The following VSTM2L variants were observed in gnomAD, a reference collection of about 807,000 sequenced individuals.
VSTM2L encodes V-set and transmembrane domain containing 2 like, also known as V-set and transmembrane domain-containing protein 2-like protein.
A neutral mutation model predicts 19.9 loss-of-function variants in VSTM2L; 9 were observed. The observed-to-expected ratio is 0.45, with a 90% CI of 0.27 to 0.79. The LOEUF is 0.79. Ranked by LOEUF, VSTM2L falls within the 30% of genes least tolerant of loss-of-function variation. The probability of loss-of-function intolerance (pLI) is 0.15; values close to 1 mark genes in which losing one functional copy is unlikely to be tolerated. For synonymous variants in VSTM2L, 127 were observed against 133.8 expected (o/e 0.95, Z 0.35); for missense variants, 286 against 295.5 (o/e 0.97, Z 0.24).
chr20:37,912,081 G>T (rs1303320444), intron 1 of VSTM2L, among the ~76,000 whole-genome samples: 1 of 152,206 alleles, frequency 6.6e-6, no homozygotes, highest in Non-Finnish European at 1.5e-5. Flanking sequence ...TCCCCACCAT[G>T]CTAGGAGGCG....
chr20:37,920,009 G>A (rs908319467), intron 1 of VSTM2L, among the ~76,000 whole-genome samples: 3 of 152,180 alleles, frequency 2.0e-5, no homozygotes, highest in African/African-American at 7.2e-5. Context: ...GCAGGAGACT[G>A]GCTCCAATGG....
Position 37,933,571 on chromosome 20 carries a change from G to T in VSTM2L, c.324G>T (p.Lys108Asn). ...LKASQQEDAG[K>N]EATKISVVKV... is the part of the protein sequence containing the mutation. ...CATCTCAGCAGGAAGACGCAGGGAA[G>T]GAGGCAACCAAAATAAGTGTGAGTT... Residue 108 changes from lysine (K) to asparagine (N), a missense_variant, in exon 3 of 4, where the codon AAG (lysine) becomes AAT (asparagine). Physicochemically the swap from Lys to Asn is moderately conservative, Grantham distance 94 (BLOSUM62 0). Transcript: ENST00000373461. The T allele has an allele frequency of 1.9e-6, 3 of 1,613,330 alleles. No homozygotes were observed. Among genetic ancestry groups the T allele is most frequent in the Non-Finnish European group, 2.5e-6 (3 of 1,179,858 alleles).
At chr20:37,911,892 A>G (rs890288520) in intron 1 of VSTM2L, among the ~76,000 whole-genome samples, 10 of 150,982 alleles carry the variant, frequency 6.6e-5, no homozygotes, top group Admixed American at 4.6e-4. Context: ...ATGTGCGTGT[A>G]TGTGTGTGTG....
At chr20:37,942,756 G>C (rs76248267) in intron 3 of VSTM2L, among the ~76,000 whole-genome samples, 4,798 of 152,280 alleles carry the variant, frequency 0.032, 242 homozygotes, top group African/African-American at 0.11. Context: ...TCCTCAGGCT[G>C]TGTGCACTTT....
intron 1 of VSTM2L, among the ~76,000 whole-genome samples, chr20:37,915,841 A>G (rs1159111853): frequency 2.0e-5 from 3 of 151,996 alleles, no homozygotes; most frequent in Admixed American, 6.5e-5. Context: ...GCACCCTCAG[A>G]GCCTCTGTTC....
rs972883506 is a variant in VSTM2L at position 37,903,158 on chromosome 20, C to A, written c.-193C>A. The A allele has an allele frequency of 8.0e-5, 57 of 708,558 alleles. No homozygotes were observed. The highest frequency in any genetic ancestry group is 2.4e-4 in the African/African-American group (13 of 53,250). 43.9% of individuals were successfully genotyped at this position (708,558 alleles called of 1,614,324 possible). ...GGAGGCGGCCGGCTGGGCGTGCGCT[C>A]GCTCCCCGAAGCCGGGGCTGGGCCG... On this transcript the variant is annotated 5_prime_UTR_variant, in exon 1 of 4. Transcript: ENST00000373461.
At chr20:37,942,441 C>T (rs1013104063) in intron 3 of VSTM2L, among the ~76,000 whole-genome samples, 16 of 152,236 alleles carry the variant, frequency 1.1e-4, no homozygotes, top group Non-Finnish European at 4.4e-5. Context: ...AAGATCGTGC[C>T]ACTGCACTCC....
At chr20:37,930,883 C>T (rs2072904647) in intron 1 of VSTM2L, among the ~76,000 whole-genome samples, 1 of 152,196 alleles carries the variant, frequency 6.6e-6, no homozygotes. Context: ...TGTCCCTGTC[C>T]TCCTGGAGCT....
intron 1 of VSTM2L, among the ~76,000 whole-genome samples, chr20:37,914,346 CAT>C (rs1568835176): frequency 0.014 from 21 of 1,476 alleles, no homozygotes; most frequent in Middle Eastern, 0.25. Context: ...TGTATGTGTG[CAT>C]GTGTGTGGGG....
chr20:37,911,424 A>G (rs2072778966), intron 1 of VSTM2L, among the ~76,000 whole-genome samples: 1 of 152,102 alleles, frequency 6.6e-6, no homozygotes, highest in Non-Finnish European at 1.5e-5. Context: ...TTCCCAAAGG[A>G]GCAAAGACTG....
chr20:37,929,971 G>A (rs780875204), intron 1 of VSTM2L, among the ~76,000 whole-genome samples: 1 of 152,150 alleles, frequency 6.6e-6, no homozygotes, highest in Non-Finnish European at 1.5e-5. Flanking sequence ...ATGTGTGATG[G>A]CGCCCCACAC....
intron 1 of VSTM2L, among the ~76,000 whole-genome samples, chr20:37,919,760 T>C (rs2072840237): frequency 6.6e-6 from 1 of 152,200 alleles, no homozygotes; most frequent in Non-Finnish European, 1.5e-5. Flanking sequence ...GGATGGGGCT[T>C]AGATAAGATT....
At position 37,943,911 on chromosome 20, in the gene VSTM2L, C is replaced by CA; in HGVS notation, c.343-70_343-69insA. 2 of 547,774 alleles carry CA rather than the reference C, an allele frequency of 3.7e-6. 1 individual carries two copies. Among genetic ancestry groups the CA allele is most frequent in the Non-Finnish European group, 5.1e-6 (2 of 389,994 alleles). 33.9% of individuals were successfully genotyped at this position (547,774 alleles called of 1,614,324 possible). On this transcript the variant is annotated intron_variant, in intron 3 of 3. Coordinates refer to ENST00000373461, the MANE Select transcript of VSTM2L (RefSeq NM_080607.3). ...CGTCCTAGCATGCGATCTTGGGACCCCCCCCCCCGACTCTTCTTCTCCCCC... is the reference window on the plus strand; with the variant it reads ...CGTCCTAGCATGCGATCTTGGGACCCACCCCCCCCGACTCTTCTTCTCCCCC...
At chr20:37,924,764 A>G (rs1778905577) in intron 1 of VSTM2L, among the ~76,000 whole-genome samples, 1 of 152,126 alleles carries the variant, frequency 6.6e-6, no homozygotes, top group African/African-American at 2.4e-5. Context: ...ACTCAGAGTT[A>G]GGAGAGGGAG....
At chr20:37,921,838 C>CTTTTTTTTTTTTTTTTTTTTT (rs756122087) in intron 1 of VSTM2L, among the ~76,000 whole-genome samples, 5 of 91,782 alleles carry the variant, frequency 5.4e-5, no homozygotes, top group Admixed American at 1.2e-4. Flanking sequence ...CTTTCTTTTC[C>CTTTTTTTTTTTTTTTTTTTTT]TTTTTTTTTT....
At position 37,919,858 on chromosome 20, in the gene VSTM2L, G is replaced by A. The variant is rs148271289; in HGVS notation, c.122-11777G>A. 1.3e-3 allele frequency among the ~76,000 whole-genome samples: 191 copies of A among 152,298 alleles called. 1 individual carries two copies. The highest frequency in any genetic ancestry group is 4.4e-3 in the African/African-American group (184 of 41,562). On this transcript the variant is annotated intron_variant, in intron 1 of 3. Coordinates refer to ENST00000373461, the MANE Select transcript of VSTM2L (RefSeq NM_080607.3). ...TTGATGCTGTGTGATCTCAGGCACC[G>A]ACTCTCCCTCTCTGAGCCTTGGCAC...
chr20:37,920,155 A>G (rs1395446663), intron 1 of VSTM2L, among the ~76,000 whole-genome samples: 1 of 152,226 alleles, frequency 6.6e-6, no homozygotes, highest in Admixed American at 6.5e-5. Context: ...CAGCAGAAAC[A>G]GGGAAGTGTT....
At position 37,944,960 on chromosome 20, in the gene VSTM2L, C is replaced by G. The variant is rs2072999973; in HGVS notation, c.*707C>G. The stretch of plus-strand genomic sequence containing the variant: ...GGCCTTTCCCTCGGACCCATGGCCC[C>G]AGGCAGAGTTTTGCACCAGCAGGAC... On this transcript the variant is annotated 3_prime_UTR_variant, in exon 4 of 4. Coordinates refer to ENST00000373461, the MANE Select transcript of VSTM2L (RefSeq NM_080607.3). 1 of 985,834 alleles carries G rather than the reference C, an allele frequency of 1.0e-6. No individual in the cohort carries two copies. Among genetic ancestry groups the G allele is most frequent in the South Asian group, 4.7e-5 (1 of 21,290 alleles). 61.1% of individuals were successfully genotyped at this position (985,834 alleles called of 1,614,324 possible).
At chr20:37,939,064 C>A (rs919673136) in intron 3 of VSTM2L, among the ~76,000 whole-genome samples, 1 of 152,188 alleles carries the variant, frequency 6.6e-6, no homozygotes, top group African/African-American at 2.4e-5. Context: ...CTCTGAGTCT[C>A]AGTTTCTTCA....
Sources: allele counts gnomAD v4.1 joint callset (sites outside exome capture counted in the v4.1 genomes callset), GRCh38; gene constraint gnomAD v4.1.1; transcripts MANE v1.5; gene names NCBI Gene and HGNC (gene_info 2026-07-23, HGNC 2026-07-21).